LINGO1: variants seen among roughly 807,000 people sequenced by gnomAD.
The protein encoded by LINGO1 is leucine rich repeat and Ig domain containing 1, also known as leucine-rich repeat and immunoglobulin-like domain-containing nogo receptor-interacting protein 1.
Under a neutral mutation model 37.3 loss-of-function variants are expected in LINGO1, and 11 were observed. That is an observed-to-expected ratio of 0.29 (90% confidence interval 0.19 to 0.49). The LOEUF is 0.49. LINGO1 is among the 20% of genes least tolerant of loss of function. The pLI, the probability that LINGO1 is intolerant of heterozygous loss-of-function variation, is 0.99. For synonymous variants in LINGO1, 387 were observed against 403.0 expected (o/e 0.96, Z 0.48); for missense variants, 585 against 878.2 (o/e 0.67, Z 4.22).
intron 1 of LINGO1, among the ~76,000 whole-genome samples, chr15:77,624,828 A>G (rs866664448): frequency 1.3e-5 from 2 of 152,118 alleles, no homozygotes; most frequent in Admixed American, 6.5e-5. Flanking sequence ...TGGGGCAGGC[A>G]AGTGCCTATT....
chr15:77,637,174 G>A (rs535085228), upstream of LINGO1, among the ~76,000 whole-genome samples: 17 of 152,342 alleles, frequency 1.1e-4, no homozygotes, highest in Non-Finnish European at 2.2e-4. This position sits in a 1 kb window ranked among gnomAD's most constrained non-coding sequence, Gnocchi z 4.6. Flanking sequence ...GCCAACATGG[G>A]GAAGGCACAG....
chr15:77,668,689 A>T (rs919411520), intron 3 of LINGO1, among the ~76,000 whole-genome samples: 16 of 152,092 alleles, frequency 1.1e-4, no homozygotes, highest in African/African-American at 3.9e-4. Flanking sequence ...ACACACACAG[A>T]AGCACAGCCC....
chr15:77,814,739 C>G (rs541548872), intron 1 of LINGO1, among the ~76,000 whole-genome samples: 1 of 152,346 alleles, frequency 6.6e-6, no homozygotes, highest in South Asian at 2.1e-4. Context: ...CATCTGGCAT[C>G]CAAGCCCAGG....
At position 77,811,074 on chromosome 15, in the gene LINGO1, C is replaced by G. The variant is rs540008938; in HGVS notation, c.-458+9184G>C. Among the ~76,000 whole-genome samples the G allele has an allele frequency of 2.6e-3, 395 of 150,702 alleles. 2 individuals are homozygous for G. Among genetic ancestry groups the G allele is most frequent in the African/African-American group, 8.9e-3 (365 of 40,858 alleles). ...CAGCCCCAAGCCCCCAACACCCCCC[C>G]ACCCCAATTCCCACAGCTGTCCAGA... On this transcript the variant is annotated intron_variant, in intron 1 of 5. Transcript: ENST00000562933.
chr15:77,811,148 G>A (rs1016356139), intron 1 of LINGO1, among the ~76,000 whole-genome samples: 10 of 146,702 alleles, frequency 6.8e-5, no homozygotes, highest in African/African-American at 2.5e-4. Flanking sequence ...CACCTTCCCG[G>A]TTGCTCCCAC....
intron 3 of LINGO1, among the ~76,000 whole-genome samples, chr15:77,675,739 T>C (rs867836574): frequency 9.9e-5 from 15 of 152,032 alleles, no homozygotes; most frequent in South Asian, 2.1e-4. Flanking sequence ...ATAGGTAACA[T>C]ATAGAGAACA....
At chr15:77,625,186 T>C (rs2074051665) in intron 1 of LINGO1, among the ~76,000 whole-genome samples, 1 of 152,138 alleles carries the variant, frequency 6.6e-6, no homozygotes, top group South Asian at 2.1e-4. Flanking sequence ...CCTCACAGAC[T>C]GAGGCTGGTA....
intron 2 of LINGO1, among the ~76,000 whole-genome samples, chr15:77,792,656 C>T (rs1459123825): frequency 6.6e-6 from 1 of 152,242 alleles, no homozygotes; most frequent in Non-Finnish European, 1.5e-5. Flanking sequence ...CCTTATTTTT[C>T]TCTGTGGCAT....
chr15:77,748,665 C>T (rs922256559), intron 1 of LINGO1, among the ~76,000 whole-genome samples: 1 of 152,146 alleles, frequency 6.6e-6, no homozygotes, highest in Non-Finnish European at 1.5e-5. Context: ...GGACCCCAGT[C>T]CCAGCTCAAT....
intron 2 of LINGO1, among the ~76,000 whole-genome samples, chr15:77,688,880 A>C (rs1297898397): frequency 6.6e-6 from 1 of 152,258 alleles, no homozygotes; most frequent in Admixed American, 6.5e-5. Flanking sequence ...GCTTCCTGGC[A>C]GTCAAGACAA....
chr15:77,667,239 G>T (rs1469553402), intron 3 of LINGO1, among the ~76,000 whole-genome samples: 1 of 152,168 alleles, frequency 6.6e-6, no homozygotes, highest in Non-Finnish European at 1.5e-5. Flanking sequence ...GGAGGGGAGC[G>T]CATTCTCCCA....
intron 1 of LINGO1, among the ~76,000 whole-genome samples, chr15:77,740,427 C>T (rs1005238759): frequency 6.6e-6 from 1 of 152,206 alleles, no homozygotes; most frequent in Non-Finnish European, 1.5e-5. Context: ...CAGCTTCTCC[C>T]TCCAAGATGC....
At chr15:77,656,188 A>T (rs144294187) in intron 3 of LINGO1, among the ~76,000 whole-genome samples, 1,580 of 152,264 alleles carry the variant, frequency 0.01, 13 homozygotes, top group Non-Finnish European at 0.017. Flanking sequence ...GGTTTACCCA[A>T]GGCCTGGACA....
intron 3 of LINGO1, among the ~76,000 whole-genome samples, chr15:77,666,104 T>C (rs1196422250): frequency 6.6e-6 from 1 of 152,168 alleles, no homozygotes; most frequent in Non-Finnish European, 1.5e-5. Context: ...CCAGCAAGTG[T>C]TGGCTGAATG....
chr15:77,749,323 G>C (rs1044436460), intron 1 of LINGO1, among the ~76,000 whole-genome samples: 1 of 151,922 alleles, frequency 6.6e-6, no homozygotes, highest in African/African-American at 2.4e-5. Flanking sequence ...AGGAAGCACT[G>C]TCAGAAAACA....
chr15:77,698,673 G>A (rs2075728273), upstream of LINGO1, among the ~76,000 whole-genome samples: 1 of 152,208 alleles, frequency 6.6e-6, no homozygotes, highest in Non-Finnish European at 1.5e-5. Flanking sequence ...GTGGAAGGAG[G>A]CACAGTCGCT....
rs1028774896 is a variant in LINGO1, at chr15:77,649,872, G to A, written c.-13+27217C>T. Among the ~76,000 whole-genome samples, 10 of 151,916 alleles carry A rather than the reference G, an allele frequency of 6.6e-5. No individual in the cohort carries two copies. In the South Asian group the frequency reaches 8.3e-4, roughly 13 times the overall value. ...ATGAAAGGGTGGAGATCTTTTCCCC[G>A]CGACTCCTACCACCAACTCTGTCAC... On this transcript the variant is annotated intron_variant, in intron 3 of 3. Transcript: ENST00000559893.
chr15:77,670,379 A>T (rs1469772877), intron 3 of LINGO1, among the ~76,000 whole-genome samples: 1 of 152,360 alleles, frequency 6.6e-6, no homozygotes, highest in African/African-American at 2.4e-5. Context: ...TTAAAACCAA[A>T]TTGTTTAAAA....
At chr15:77,682,631 G>A (rs2075436518) in intron 2 of LINGO1, among the ~76,000 whole-genome samples, 1 of 151,986 alleles carries the variant, frequency 6.6e-6, no homozygotes, top group Non-Finnish European at 1.5e-5. Context: ...ACCACAGTCA[G>A]CCGATTCCTG....
Sources: gnomAD v4.1 joint callset for allele counts (sites outside exome capture counted in the v4.1 genomes callset) on GRCh38, gnomAD v4.1.1 for gene constraint, Gnocchi (gnomAD v3.1) non-coding constraint, MANE v1.5 for transcripts, NCBI Gene and HGNC (gene_info 2026-07-23, HGNC 2026-07-21) for gene names.